The following MRRF variants were observed in gnomAD, a reference collection of about 807,000 sequenced individuals.
The protein encoded by MRRF is mitochondrial ribosome recycling factor.
A neutral mutation model predicts 25.1 loss-of-function variants in MRRF; 18 were observed. The observed-to-expected ratio is 0.72, with a 90% CI of 0.50 to 1.06. MRRF has a LOEUF of 1.06. MRRF is among the 50% of genes least tolerant of loss of function. MRRF has a pLI of 0.00. For synonymous variants in MRRF, 113 were observed against 112.1 expected (o/e 1.01, Z -0.05); for missense variants, 323 against 319.3 (o/e 1.01, Z -0.09).
chr9:122,327,744 A>G lies in MRRF; in HGVS notation c.*5127A>G, dbSNP rs1157243716. ...CGCTTACATCTTCTTTATTTCATTCAGTGCTCTTAGTCTGAATTTTATCTT... is the reference window on the plus strand; with the variant it reads ...CGCTTACATCTTCTTTATTTCATTCGGTGCTCTTAGTCTGAATTTTATCTT... On this transcript the variant is annotated 3_prime_UTR_variant, in exon 7 of 7. Coordinates refer to ENST00000344641, the MANE Select transcript of MRRF (RefSeq NM_138777.5). 1.3e-5 allele frequency: 2 copies of G among 152,020 alleles called. No homozygotes were observed. The highest frequency in any genetic ancestry group is 4.8e-5 in the African/African-American group (2 of 41,348). The allele number at this position is 152,020 out of a possible 1,614,324, so 9.4% of individuals were successfully genotyped here.
At chr9:122,290,949 T>C (rs558472549) in intron 4 of MRRF, among the ~76,000 whole-genome samples, 1 of 152,336 alleles carries the variant, frequency 6.6e-6, no homozygotes, top group South Asian at 2.1e-4. Flanking sequence ...TTTGAGAGTT[T>C]TATGCATTCT....
intron 4 of MRRF, among the ~76,000 whole-genome samples, chr9:122,286,447 G>GT (rs1416495377): frequency 1.3e-5 from 2 of 152,298 alleles, no homozygotes; most frequent in East Asian, 3.9e-4. Context: ...GCTCATGCCT[G>GT]TAATCCCAGC....
In MRRF at chr9:122,280,430, G is replaced by A. The variant is rs1447436580; in HGVS notation, c.185-13G>A. 6.2e-7 allele frequency: 1 copy of A among 1,613,990 alleles called. No homozygotes were observed. Among genetic ancestry groups the A allele is most frequent in the East Asian group, 2.2e-5 (1 of 44,868 alleles). On this transcript the variant is annotated splice_polypyrimidine_tract_variant and intron_variant, in intron 2 of 6. Coordinates refer to ENST00000344641, the MANE Select transcript of MRRF (RefSeq NM_138777.5). ...GCTGCTGTTGTTTTATTCACTGAAT[G>A]TTCACTTTTTAGCCAAAGGGAAAGG...
intron 5 of MRRF, among the ~76,000 whole-genome samples, chr9:122,307,921 A>G (rs1000706932): frequency 1.3e-5 from 2 of 152,192 alleles, no homozygotes; most frequent in African/African-American, 4.8e-5. Context: ...CACCTGGTGT[A>G]TAGCTTTGTA....
chr9:122,274,853 TA>T (rs1364710632), intron 2 of MRRF, among the ~76,000 whole-genome samples: 1 of 152,072 alleles, frequency 6.6e-6, no homozygotes, highest in African/African-American at 2.4e-5. Flanking sequence ...AAAGAGTCTT[TA>T]ATTTTTTGAT....
At chr9:122,285,557 G>T in intron 4 of MRRF, 1 of 445,580 alleles carries the variant, frequency 2.2e-6, no homozygotes, top group Non-Finnish European at 4.2e-6. Context: ...ATTGGTGCTT[G>T]GCCAGCGTGA....
chr9:122,313,498 T>A, intron 6 of MRRF, 112 bp downstream of exon 6: 1 of 1,213,412 alleles, frequency 8.2e-7, no homozygotes, highest in Non-Finnish European at 1.2e-6. Context: ...TCATTCACAT[T>A]ATCACCATTG....
intron 1 of MRRF, among the ~76,000 whole-genome samples, chr9:122,267,008 T>C (rs888518313): frequency 1.3e-5 from 2 of 149,846 alleles, no homozygotes; most frequent in African/African-American, 4.9e-5. Context: ...AGGCGGAGGT[T>C]GCAGTGAGCC....
chr9:122,274,886 G>T (rs1341265636), intron 2 of MRRF, among the ~76,000 whole-genome samples: 1 of 151,620 alleles, frequency 6.6e-6, no homozygotes. Context: ...GCAATTTTAT[G>T]ATTTCTGTTC....
At chr9:122,294,778 A>G (rs1279056949) in intron 5 of MRRF, among the ~76,000 whole-genome samples, 2 of 152,222 alleles carry the variant, frequency 1.3e-5, no homozygotes, top group African/African-American at 4.8e-5. Flanking sequence ...AGGTTAGTGC[A>G]TAATGATAAG....
intron 4 of MRRF, chr9:122,286,189 A>G (rs1564485174): frequency 7.8e-7 from 1 of 1,288,456 alleles, no homozygotes; most frequent in Non-Finnish European, 1.0e-6. Context: ...TCCTGTTCTT[A>G]TTGTCTATTT....
At chr9:122,304,421 G>T (rs1296509423) in intron 5 of MRRF, among the ~76,000 whole-genome samples, 1 of 152,162 alleles carries the variant, frequency 6.6e-6, no homozygotes, top group Non-Finnish European at 1.5e-5. Flanking sequence ...CAAGTGTGTG[G>T]AATGGGGCTC....
At chr9:122,309,468 G>C (rs2118941724) in intron 5 of MRRF, among the ~76,000 whole-genome samples, 1 of 151,922 alleles carries the variant, frequency 6.6e-6, no homozygotes, top group South Asian at 2.1e-4. Flanking sequence ...TATTCCCTGT[G>C]GTGAGAATGA....
At chr9:122,318,144 T>A (rs893022208) in intron 6 of MRRF, among the ~76,000 whole-genome samples, 7 of 152,002 alleles carry the variant, frequency 4.6e-5, no homozygotes, top group Middle Eastern at 3.4e-3. Flanking sequence ...TCAAAAAAAA[T>A]AAATAAGAAT....
In MRRF at chr9:122,268,176, GC is replaced by G. The variant is rs1434517559; in HGVS notation, c.-28-2687del. 2.0e-5 allele frequency among the ~76,000 whole-genome samples: 3 copies of G among 152,308 alleles called. No homozygotes were observed. In the East Asian group the frequency reaches 5.8e-4, roughly 29 times the overall value. On this transcript the variant is annotated intron_variant, in intron 1 of 6. Transcript: ENST00000344641. Reference sequence around the variant, plus strand: ...CACTTTGAAATTTCTTGACTTCTGTGCAATTAAAATCTACGCCTTAAGCATT... The same window carrying G: ...CACTTTGAAATTTCTTGACTTCTGTGAATTAAAATCTACGCCTTAAGCATT...
chr9:122,291,739 TG>T lies in MRRF; in HGVS notation c.460-8del. On this transcript the variant is annotated splice_polypyrimidine_tract_variant and intron_variant, in intron 4 of 6. Transcript: ENST00000344641. ...TACTAATTCTGTTTACCTTTTGATC[TG>T]GTTTTCAGTGTACAGCTGCAGCTAT... 1 of 1,597,228 alleles carries T rather than the reference TG, an allele frequency of 6.3e-7. No homozygotes were observed. The highest frequency in any genetic ancestry group is 8.6e-7 in the Non-Finnish European group (1 of 1,164,544).
intron 4 of MRRF, among the ~76,000 whole-genome samples, chr9:122,286,399 T>C (rs759849589): frequency 1.4e-4 from 21 of 152,174 alleles, no homozygotes; most frequent in Non-Finnish European, 2.2e-4. Flanking sequence ...ATAACCAGAA[T>C]GAGTTTTTGA....
chr9:122,290,229 G>A (rs892962007), intron 4 of MRRF, among the ~76,000 whole-genome samples: 2 of 152,098 alleles, frequency 1.3e-5, no homozygotes, highest in African/African-American at 4.8e-5. Flanking sequence ...TGATGGATGG[G>A]AGTCCTCAAA....
intron 1 of MRRF, among the ~76,000 whole-genome samples, chr9:122,269,707 CAG>C (rs1234324949): frequency 6.6e-6 from 1 of 152,070 alleles, no homozygotes; most frequent in Non-Finnish European, 1.5e-5. Context: ...TCCTGGGCAA[CAG>C]AGTGTGACTC....
Sources: allele counts gnomAD v4.1 joint callset (sites outside exome capture counted in the v4.1 genomes callset), GRCh38; gene constraint gnomAD v4.1.1; transcripts MANE v1.5; gene names NCBI Gene and HGNC (gene_info 2026-07-23, HGNC 2026-07-21).